The following COL22A1 variants were observed in gnomAD, a reference collection of about 807,000 sequenced individuals.
COL22A1 encodes the protein collagen type XXII alpha 1 chain.
COL22A1 carries 221 observed loss-of-function variants against 248.9 expected under a neutral mutation model. That is an observed-to-expected ratio of 0.89 (90% CI 0.80 to 0.99). COL22A1 has a LOEUF of 0.99. Ranked by LOEUF, COL22A1 falls within the 50% of genes least tolerant of loss-of-function variation. The probability of loss-of-function intolerance (pLI) is 0.00; values close to 1 mark genes in which losing one functional copy is unlikely to be tolerated. For synonymous variants in COL22A1, 891 were observed against 793.4 expected, an observed-to-expected ratio of 1.12 and a Z score of -2.07; for missense variants, 2,240 against 2,179.0, an observed-to-expected ratio of 1.03 and a Z score of -0.56.
intron 2 of COL22A1, among the ~76,000 whole-genome samples, chr8:138,880,461 T>G (rs1305638951): frequency 6.6e-6 from 1 of 152,244 alleles, no homozygotes; most frequent in African/African-American, 2.4e-5. Flanking sequence ...TTTTTTGCTC[T>G]TATATTTGCA....
At chr8:138,793,705 G>A (rs1816259338) in intron 12 of COL22A1, among the ~76,000 whole-genome samples, 1 of 152,166 alleles carries the variant, frequency 6.6e-6, no homozygotes, top group Non-Finnish European at 1.5e-5. Context: ...TGAATGTGAT[G>A]CTGCAGGTAG....
At chr8:138,835,502 T>C (rs368546628) in intron 4 of COL22A1, among the ~76,000 whole-genome samples, 35 of 152,288 alleles carry the variant, frequency 2.3e-4, no homozygotes, top group African/African-American at 7.9e-4. Context: ...AGGCTGCCAC[T>C]AGGCACAGGC....
In COL22A1 at chr8:138,720,740, C is replaced by T. The variant is rs183071269; in HGVS notation, c.2354G>A (p.Arg785Gln). The stretch of plus-strand genomic sequence containing the variant: ...GGGAAAAAGAGGCAAAGTCCATACC[C>T]GAAGGCCTGGTTTTCCAGGCAGACC... Reference protein sequence around the residue: ...EDGLPGKPGLRGEIGEQGLAG... With the variant: ...EDGLPGKPGLQGEIGEQGLAG... Residue 785 changes from arginine to glutamine, a missense_variant and splice_region_variant, in exon 27 of 65, where the codon CGG becomes CAG. Transcript: ENST00000303045. 10 of 1,613,446 alleles carry T rather than the reference C, an allele frequency of 6.2e-6. No homozygotes were observed. Among genetic ancestry groups the T allele is most frequent in the African/African-American group, 2.7e-5 (2 of 75,018 alleles).
At chr8:138,596,806 C>A in intron 62 of COL22A1, 98 bp downstream of exon 62, 1 of 1,131,280 alleles carries the variant, frequency 8.8e-7, no homozygotes, top group Non-Finnish European at 1.3e-6. Flanking sequence ...CGGTCAAGTG[C>A]TTTTCTTATT....
intron 23 of COL22A1, among the ~76,000 whole-genome samples, chr8:138,729,446 T>C (rs1036843019): frequency 1.3e-5 from 2 of 152,060 alleles, no homozygotes; most frequent in African/African-American, 4.8e-5. Flanking sequence ...ACAGCAGAGG[T>C]TGAGTCACTG....
At chr8:138,661,271 C>G (rs1218043570) in intron 43 of COL22A1, among the ~76,000 whole-genome samples, 4 of 152,126 alleles carry the variant, frequency 2.6e-5, no homozygotes, top group Non-Finnish European at 1.5e-5. Flanking sequence ...CAGTAACCTT[C>G]TCTTTGGAAA....
intron 47 of COL22A1, among the ~76,000 whole-genome samples, chr8:138,638,885 A>G (rs1007958769): frequency 3.9e-5 from 6 of 152,248 alleles, no homozygotes; most frequent in African/African-American, 9.6e-5. Context: ...TGTTGCAACA[A>G]TGAAAATGTC....
intron 2 of COL22A1, among the ~76,000 whole-genome samples, chr8:138,879,712 A>AT (rs1554652802): frequency 1.2e-5 from 1 of 83,218 alleles, no homozygotes. Flanking sequence ...AAAAAAAAAA[A>AT]AAGAAGAAGA....
At chr8:138,882,742 TCA>T (rs1412822035) in intron 2 of COL22A1, among the ~76,000 whole-genome samples, 6 of 148,480 alleles carry the variant, frequency 4.0e-5, no homozygotes, top group East Asian at 4.1e-4. Context: ...TTCCTCAAAC[TCA>T]CACACATTCC....
At chr8:138,899,674 C>A (rs1179803563) in intron 1 of COL22A1, among the ~76,000 whole-genome samples, 3 of 152,044 alleles carry the variant, frequency 2.0e-5, no homozygotes, top group Admixed American at 6.5e-5. Context: ...CAGGCATGCG[C>A]CACCATGCCC....
intron 4 of COL22A1, among the ~76,000 whole-genome samples, chr8:138,838,032 G>A (rs1297248858): frequency 2.0e-5 from 3 of 152,250 alleles, no homozygotes; most frequent in African/African-American, 7.2e-5. Context: ...CGCTGCTGAA[G>A]AAAAGCAGCA....
In COL22A1 at chr8:138,865,757, G is replaced by C. The variant is rs915896430; in HGVS notation, c.658+11993C>G. On this transcript the variant is annotated intron_variant, in intron 3 of 64. Transcript: ENST00000303045. The stretch of plus-strand genomic sequence containing the variant: ...TTTGTAGGCCTGTGTGTGAGTATAT[G>C]TATGTTTGTATGCCTCTGAGTGTAT... Among the ~76,000 whole-genome samples the C allele has an allele frequency of 2.7e-5, 4 of 148,760 alleles. No homozygotes were observed. In the East Asian group the frequency reaches 6.0e-4, roughly 22 times the overall value.
At chr8:138,909,378 T>C (rs6983081) in intron 1 of COL22A1, among the ~76,000 whole-genome samples, 43,528 of 150,828 alleles carry the variant, frequency 0.29, 6,572 homozygotes, top group African/African-American at 0.39. Context: ...GACTTGCCTT[T>C]TTTTTTTTTT....
At chr8:138,805,981 A>AGG (rs1298120119) in intron 10 of COL22A1, among the ~76,000 whole-genome samples, 1 of 33,844 alleles carries the variant, frequency 3.0e-5, no homozygotes, top group Non-Finnish European at 6.5e-5. Flanking sequence ...AGTGTGTGTG[A>AGG]TTGTGTGTGA....
chr8:138,829,930 A>G (rs1391439282), intron 5 of COL22A1, among the ~76,000 whole-genome samples: 5 of 152,214 alleles, frequency 3.3e-5, no homozygotes, highest in African/African-American at 1.2e-4. Context: ...ATATGTGGGT[A>G]TATGTGCATG....
chr8:138,738,279 A>G (rs1831280808), intron 22 of COL22A1, among the ~76,000 whole-genome samples: 1 of 152,122 alleles, frequency 6.6e-6, no homozygotes, highest in Non-Finnish European at 1.5e-5. Flanking sequence ...CAGCAGGGTG[A>G]TGTTGTGGGG....
chr8:138,768,898 T>C (rs1037367574), intron 16 of COL22A1, among the ~76,000 whole-genome samples: 2 of 151,848 alleles, frequency 1.3e-5, no homozygotes, highest in Non-Finnish European at 2.9e-5. Context: ...GATAGTGCCA[T>C]TGCACTCCAG....
intron 4 of COL22A1, among the ~76,000 whole-genome samples, chr8:138,838,104 C>T (rs146435858): frequency 6.6e-6 from 1 of 151,168 alleles, no homozygotes; most frequent in Non-Finnish European, 1.5e-5. Context: ...CGCAGCCGGC[C>T]ACACCTGGGT....
At chr8:138,652,734 G>GTTTTTTTTTTTTTTTTT (rs1564146836) in intron 45 of COL22A1, among the ~76,000 whole-genome samples, 13 of 45,872 alleles carry the variant, frequency 2.8e-4, no homozygotes, top group African/African-American at 5.9e-4. Context: ...TTCCTTTTCT[G>GTTTTTTTTTTTTTTTTT]GTTTTTTTTT....
Sources: allele counts gnomAD v4.1 joint callset (sites outside exome capture counted in the v4.1 genomes callset), GRCh38; gene constraint gnomAD v4.1.1; transcripts MANE v1.5; gene names NCBI Gene and HGNC (gene_info 2026-07-23, HGNC 2026-07-21).